The following ATAD1 variants were observed in gnomAD, a reference collection of about 807,000 sequenced individuals.
ATAD1 encodes outer mitochondrial transmembrane helix translocase.
Under a neutral mutation model 42.7 loss-of-function variants are expected in ATAD1, and 18 were observed. That is an observed-to-expected ratio of 0.42 (90% CI 0.29 to 0.63). The LOEUF is 0.63. ATAD1 is among the 20% of genes least tolerant of loss of function. ATAD1 has a pLI of 0.19. For synonymous variants in ATAD1, 132 were observed against 143.1 expected, an observed-to-expected ratio of 0.92 and a Z score of 0.55; for missense variants, 294 against 440.4, an observed-to-expected ratio of 0.67 and a Z score of 2.98.
chr10:87,822,628 G>A (rs760407310), upstream of ATAD1, among the ~76,000 whole-genome samples: 6 of 152,102 alleles, frequency 3.9e-5, 1 homozygote, highest in South Asian at 1.2e-3. Context: ...GGTTATCAGA[G>A]GCTGGGAAGA....
chr10:87,797,845 T>A lies in ATAD1; in HGVS notation c.163-5090A>T, dbSNP rs567012702. Among the ~76,000 whole-genome samples, 27 of 152,176 alleles carry A rather than the reference T, an allele frequency of 1.8e-4. No individual in the cohort carries two copies. In the South Asian group the frequency reaches 5.6e-3, roughly 32 times the overall value. ...CTATCGCCTTTTCTACCAAAATTAATCTCTGTTTGGCTTTTCTGCGCACAT... is the reference window on the plus strand; with the variant it reads ...CTATCGCCTTTTCTACCAAAATTAAACTCTGTTTGGCTTTTCTGCGCACAT... On this transcript the variant is annotated intron_variant, in intron 2 of 9. Coordinates refer to ENST00000680024, the MANE Select transcript of ATAD1 (RefSeq NM_001321967.2).
intron 1 of ATAD1, among the ~76,000 whole-genome samples, chr10:87,840,241 C>G (rs1342500771): frequency 6.6e-6 from 1 of 152,142 alleles, no homozygotes; most frequent in African/African-American, 2.4e-5. Flanking sequence ...CCCAACACTT[C>G]GTGATGACAA....
chr10:87,838,726 C>T (rs1458175759), intron 1 of ATAD1, among the ~76,000 whole-genome samples: 2 of 151,408 alleles, frequency 1.3e-5, no homozygotes, highest in Admixed American at 6.6e-5. Flanking sequence ...CACCAAAGAG[C>T]TCATTCATAT....
chr10:87,827,121 C>A (rs1857744741), intron 1 of ATAD1, among the ~76,000 whole-genome samples: 1 of 152,164 alleles, frequency 6.6e-6, no homozygotes. Context: ...ATGCAGGATG[C>A]AGATTATGGC....
chr10:87,816,062 G>C (rs574765280), intron 1 of ATAD1, among the ~76,000 whole-genome samples: 11 of 152,118 alleles, frequency 7.2e-5, no homozygotes, highest in African/African-American at 2.2e-4. Context: ...ATGAATCTTC[G>C]TATTATTCAT....
intron 2 of ATAD1, among the ~76,000 whole-genome samples, chr10:87,800,313 TCTCA>T (rs1297215186): frequency 7.2e-5 from 11 of 152,188 alleles, no homozygotes; most frequent in African/African-American, 2.2e-4. Context: ...TTTTATTGCA[TCTCA>T]CTGTTTTTAG....
chr10:87,766,788 A>C (rs1486413479), intron 8 of ATAD1, among the ~76,000 whole-genome samples: 1 of 151,890 alleles, frequency 6.6e-6, no homozygotes, highest in African/African-American at 2.4e-5. Flanking sequence ...TCCAGCCTGG[A>C]CTACAGAGTG....
chr10:87,788,642 C>A (rs1041402950), intron 4 of ATAD1, among the ~76,000 whole-genome samples: 2 of 152,180 alleles, frequency 1.3e-5, no homozygotes, highest in African/African-American at 4.8e-5. Flanking sequence ...CTGGAGAAAT[C>A]ACCCAATTAC....
intron 6 of ATAD1, 25 bp from the exon 7 acceptor site, chr10:87,771,066 G>C (rs371502486): frequency 6.4e-7 from 1 of 1,566,690 alleles, no homozygotes; most frequent in Non-Finnish European, 8.8e-7. Context: ...AAGACAGAAG[G>C]TATTAAATCT....
rs553031492 is a variant in ATAD1, at chr10:87,762,631, AT to A, written c.831+5041del. 3.8e-3 allele frequency among the ~76,000 whole-genome samples: 576 copies of A among 151,248 alleles called. 6 individuals are homozygous for A. Among genetic ancestry groups the A allele is most frequent in the African/African-American group, 0.013 (552 of 41,246 alleles). ...GGTTGCCAGCCACCATGTCCAGCTAATTTTTTTTGTATTTTTAGTAGAGACA... is the reference window on the plus strand; with the variant it reads ...GGTTGCCAGCCACCATGTCCAGCTAATTTTTTTGTATTTTTAGTAGAGACA... On this transcript the variant is annotated intron_variant, in intron 8 of 9. Coordinates refer to ENST00000680024, the MANE Select transcript of ATAD1 (RefSeq NM_001321967.2).
chr10:87,812,708 A>G (rs1400674619), intron 2 of ATAD1, among the ~76,000 whole-genome samples: 3 of 152,260 alleles, frequency 2.0e-5, no homozygotes, highest in Admixed American at 2.0e-4. Flanking sequence ...GGATAATGCT[A>G]GAAGCAAAAA....
intron 1 of ATAD1, among the ~76,000 whole-genome samples, chr10:87,836,855 CT>C (rs1857939338): frequency 6.6e-6 from 1 of 152,168 alleles, no homozygotes; most frequent in African/African-American, 2.4e-5. Context: ...TCAGGCACAG[CT>C]TTTTTCCCCC....
chr10:87,811,513 T>TA lies in ATAD1; in HGVS notation c.162+2924dup, dbSNP rs142857209. ...ATGTATCAAGGCTTACGCTTCAGCT[T>TA]ACCAATTATGCTGCATTACACCACC... On this transcript the variant is annotated intron_variant, in intron 2 of 9. Coordinates refer to ENST00000680024, the MANE Select transcript of ATAD1 (RefSeq NM_001321967.2). 6.1e-3 allele frequency among the ~76,000 whole-genome samples: 933 copies of TA among 152,270 alleles called. 10 individuals carry two copies. The highest frequency in any genetic ancestry group is 0.017 in the South Asian group (83 of 4,830).
chr10:87,833,249 G>C (rs1857866726), intron 1 of ATAD1, among the ~76,000 whole-genome samples: 1 of 152,100 alleles, frequency 6.6e-6, no homozygotes, highest in African/African-American at 2.4e-5. Flanking sequence ...ATTGTAAATG[G>C]TATTGTTTAA....
intron 4 of ATAD1, among the ~76,000 whole-genome samples, chr10:87,788,087 G>C (rs537538793): frequency 2.6e-5 from 4 of 152,286 alleles, no homozygotes; most frequent in African/African-American, 9.6e-5. Context: ...TATCTTATGT[G>C]TGCCCCCATT....
At position 87,753,749 on chromosome 10, in the gene ATAD1, T is replaced by G. The variant is rs575292073; in HGVS notation, c.*938A>C. 6.5e-6 allele frequency: 1 copy of G among 152,728 alleles called. No homozygotes were observed. The highest frequency in any genetic ancestry group is 1.9e-4 in the East Asian group (1 of 5,188). The allele number at this position is 152,728 out of a possible 1,614,324, so 9.5% of individuals were successfully genotyped here. ...TGACCAAATTATATTTGACCATAAT[T>G]AAAGAACACATAACCTTAAAATAAT... On this transcript the variant is annotated 3_prime_UTR_variant, in exon 10 of 10. Transcript: ENST00000680024.
At chr10:87,776,262 A>C in intron 6 of ATAD1, 59 bp downstream of exon 6, 1 of 1,355,892 alleles carries the variant, frequency 7.4e-7, no homozygotes, top group Non-Finnish European at 1.0e-6. Flanking sequence ...TAGCCCAGCA[A>C]ATTTTCTATT....
chr10:87,758,769 A>G (rs1409468069), intron 8 of ATAD1, among the ~76,000 whole-genome samples: 4 of 152,196 alleles, frequency 2.6e-5, no homozygotes, highest in Admixed American at 6.5e-5. Flanking sequence ...CACCAGAAAA[A>G]TACAACAATT....
At chr10:87,829,935 A>T (rs1392246866) in intron 1 of ATAD1, among the ~76,000 whole-genome samples, 1 of 152,252 alleles carries the variant, frequency 6.6e-6, no homozygotes, top group Non-Finnish European at 1.5e-5. Flanking sequence ...ATTTACTGCA[A>T]TCTTGAAAGA....
Sources: allele counts gnomAD v4.1 joint callset (sites outside exome capture counted in the v4.1 genomes callset), GRCh38; gene constraint gnomAD v4.1.1; transcripts MANE v1.5; gene names NCBI Gene and HGNC (gene_info 2026-07-23, HGNC 2026-07-21).